Variants in CHRM3 observed in about 807,000 individuals in gnomAD.
CHRM3 encodes the protein cholinergic receptor muscarinic 3, also known as muscarinic acetylcholine receptor M3.
A neutral mutation model predicts 41.8 loss-of-function variants in CHRM3; 11 were observed. The ratio of observed to expected loss-of-function variants is 0.26; its 90% CI spans 0.17 to 0.44. The LOEUF (loss-of-function observed/expected upper bound fraction) is 0.44, where lower values mean the gene tolerates loss of function less well. CHRM3 is among the 20% of genes least tolerant of loss of function. The probability of loss-of-function intolerance (pLI) is 1.00; values close to 1 mark genes in which losing one functional copy is unlikely to be tolerated. For synonymous variants in CHRM3, 297 were observed against 301.4 expected (o/e 0.99, Z 0.15); for missense variants, 571 against 745.4 (o/e 0.77, Z 2.72).
chr1:239,809,447 C>A (rs1002658064), intron 5 of CHRM3, among the ~76,000 whole-genome samples: 2 of 152,068 alleles, frequency 1.3e-5, no homozygotes, highest in Non-Finnish European at 2.9e-5. Context: ...CTCACTGTGT[C>A]CCCTTCCTAG....
At chr1:239,786,994 A>G (rs1254523869) in intron 5 of CHRM3, among the ~76,000 whole-genome samples, 2 of 152,200 alleles carry the variant, frequency 1.3e-5, no homozygotes, top group African/African-American at 2.4e-5. Flanking sequence ...CCACATAGAA[A>G]CATTTGTCAG....
intron 6 of CHRM3, among the ~76,000 whole-genome samples, chr1:239,866,405 C>A (rs561389079): frequency 0.018 from 2,495 of 142,552 alleles, 89 homozygotes; most frequent in African/African-American, 0.062. Context: ...GTCTCAAAAA[C>A]AAAAAAAAAA....
intron 5 of CHRM3, among the ~76,000 whole-genome samples, chr1:239,825,463 G>A (rs1672379452): frequency 1.3e-5 from 2 of 152,112 alleles, no homozygotes; most frequent in Admixed American, 1.3e-4. Flanking sequence ...GATTCCCACA[G>A]TACACTCAGC....
intron 2 of CHRM3, among the ~76,000 whole-genome samples, chr1:239,531,849 C>T (rs986170993): frequency 9.4e-5 from 14 of 149,316 alleles, no homozygotes; most frequent in African/African-American, 3.2e-4. Flanking sequence ...TTAATAGAGA[C>T]GGGGTTTCAC....
chr1:239,714,267 A>T (rs1051688256), intron 5 of CHRM3: 2 of 152,330 alleles, frequency 1.3e-5, no homozygotes, highest in South Asian at 4.1e-4. Context: ...CTCGTCATCT[A>T]AAGAGAGAAA....
intron 3 of CHRM3, among the ~76,000 whole-genome samples, chr1:239,611,754 C>A (rs1381674501): frequency 6.6e-6 from 1 of 152,046 alleles, no homozygotes; most frequent in Non-Finnish European, 1.5e-5. Context: ...AATAGAAAAC[C>A]TAATTTGAGT....
intron 5 of CHRM3, among the ~76,000 whole-genome samples, chr1:239,822,292 T>C (rs1007491437): frequency 6.6e-6 from 1 of 152,236 alleles, no homozygotes; most frequent in Non-Finnish European, 1.5e-5. Flanking sequence ...TTGGTTCTGA[T>C]GCTGAGATTC....
intron 6 of CHRM3, among the ~76,000 whole-genome samples, chr1:239,899,186 A>G (rs1679269707): frequency 6.6e-6 from 1 of 151,972 alleles, no homozygotes; most frequent in African/African-American, 2.4e-5. Flanking sequence ...TGTGGTATGC[A>G]TTCTGATACG....
At chr1:239,513,352 G>A (rs1669050043) in intron 2 of CHRM3, among the ~76,000 whole-genome samples, 1 of 151,778 alleles carries the variant, frequency 6.6e-6, no homozygotes, top group African/African-American at 2.4e-5. Flanking sequence ...TTATCTCATT[G>A]TTGTTTTAAC....
At chr1:239,586,567 A>T (rs1412372973) in intron 3 of CHRM3, among the ~76,000 whole-genome samples, 1 of 152,188 alleles carries the variant, frequency 6.6e-6, no homozygotes, top group South Asian at 2.1e-4. Flanking sequence ...TTATGCTTAT[A>T]TCTACCATTA....
chr1:239,422,968 G>A (rs527875090), intron 1 of CHRM3, among the ~76,000 whole-genome samples: 17 of 152,102 alleles, frequency 1.1e-4, no homozygotes, highest in African/African-American at 4.1e-4. Flanking sequence ...GATAGGAGAG[G>A]GCGGGCTTCA....
intron 2 of CHRM3, among the ~76,000 whole-genome samples, chr1:239,543,849 A>T (rs1399984750): frequency 6.6e-6 from 1 of 152,082 alleles, no homozygotes; most frequent in Non-Finnish European, 1.5e-5. Context: ...GATATATTTC[A>T]GGCTTTGTGG....
intron 1 of CHRM3, among the ~76,000 whole-genome samples, chr1:239,479,012 G>C (rs1572437484): frequency 6.6e-6 from 1 of 152,030 alleles, no homozygotes; most frequent in South Asian, 2.1e-4. Context: ...GGGAAACCCT[G>C]TCTCTATGAA....
intron 6 of CHRM3, among the ~76,000 whole-genome samples, chr1:239,870,349 G>A (rs1033695292): frequency 9.9e-5 from 15 of 152,272 alleles, no homozygotes; most frequent in South Asian, 4.2e-4. Context: ...TCCAGGCAGC[G>A]AGGACAGATG....
At chr1:239,834,286 C>T (rs527972246) in intron 6 of CHRM3, among the ~76,000 whole-genome samples, 18 of 150,432 alleles carry the variant, frequency 1.2e-4, no homozygotes, top group African/African-American at 4.4e-4. Context: ...ACCATAATAC[C>T]CACGTTTCTT....
intron 5 of CHRM3, among the ~76,000 whole-genome samples, chr1:239,734,549 T>C (rs1198417118): frequency 6.6e-6 from 1 of 152,116 alleles, no homozygotes; most frequent in Non-Finnish European, 1.5e-5. Context: ...TGCTTTTCCT[T>C]TGCAAGCTGT....
At chr1:239,390,313 G>C (rs1658915822) in intron 1 of CHRM3, among the ~76,000 whole-genome samples, 2 of 152,068 alleles carry the variant, frequency 1.3e-5, no homozygotes, top group South Asian at 2.1e-4. Flanking sequence ...CAGAAGCCCT[G>C]TTCTGAAAAA....
At chr1:239,815,989 A>G (rs1671547066) in intron 5 of CHRM3, among the ~76,000 whole-genome samples, 2 of 152,096 alleles carry the variant, frequency 1.3e-5, no homozygotes, top group Non-Finnish European at 2.9e-5. Context: ...AATACATTTC[A>G]GTCTGGTTTG....
chr1:239,693,670 A>G (rs1659921833), intron 5 of CHRM3, among the ~76,000 whole-genome samples: 1 of 152,178 alleles, frequency 6.6e-6, no homozygotes, highest in African/African-American at 2.4e-5. Context: ...GTCTCTGTAG[A>G]GGTGAGAAGT....
Sources: gnomAD v4.1 joint callset for allele counts (sites outside exome capture counted in the v4.1 genomes callset) on GRCh38, gnomAD v4.1.1 for gene constraint, MANE v1.5 for transcripts, NCBI Gene and HGNC (gene_info 2026-07-23, HGNC 2026-07-21) for gene names.